Variants in DAAM1 observed in about 807,000 individuals in gnomAD.
The protein encoded by DAAM1 is disheveled-associated activator of morphogenesis 1.
A neutral mutation model predicts 130.0 loss-of-function variants in DAAM1; 52 were observed. That is an observed-to-expected ratio of 0.40 (90% CI 0.32 to 0.50). The LOEUF (loss-of-function observed/expected upper bound fraction) is 0.50. DAAM1 is among the 20% of genes least tolerant of loss of function. The pLI is 0.61. For missense variants in DAAM1, 1,134 were observed against 1,303.8 expected (o/e 0.87, Z 2.01); for synonymous variants, 452 against 444.5 (o/e 1.02, Z -0.21).
At chr14:59,268,978 T>C (rs17255500) in intron 2 of DAAM1, among the ~76,000 whole-genome samples, 9,952 of 152,278 alleles carry the variant, frequency 0.065, 427 homozygotes, top group Non-Finnish European at 0.098. Context: ...TTCAAGTAAC[T>C]TTTTTATGTT....
Position 59,193,786 on chromosome 14 carries a change from C to T in DAAM1, c.-38+5018C>T, listed in dbSNP as rs767000609. On this transcript the variant is annotated intron_variant, in intron 1 of 24. Coordinates refer to ENST00000360909, the MANE Select transcript of DAAM1 (RefSeq NM_001270520.2). The stretch of plus-strand genomic sequence containing the variant: ...CTGGAATGTGCTTCCCTCTGAGTGT[C>T]TGGATTATCTTGTGCTTTCATATCT... Among the ~76,000 whole-genome samples the T allele has an allele frequency of 8.4e-4, 128 of 152,298 alleles. 1 individual carries two copies. The highest frequency in any genetic ancestry group is 6.8e-3 in the Middle Eastern group (2 of 294).
At position 59,323,162 on chromosome 14, in the gene DAAM1, C is replaced by G; in HGVS notation, c.711C>G (p.His237Gln). 6.2e-7 allele frequency: 1 copy of G among 1,613,796 alleles called. No individual in the cohort carries two copies. Among genetic ancestry groups the G allele is most frequent in the South Asian group, 1.1e-5 (1 of 91,014 alleles). ...LGAVCLVPGG[H>Q]KKVLQAMLHY... ...CCGTGTGCCTGGTTCCCGGGGGCCA[C>G]AAGAAGGTTCTGCAGGCCATGCTGC... Residue 237 changes from histidine to glutamine, a missense_variant, in exon 6 of 25, where the codon CAC becomes CAG. Physicochemically the swap from His to Gln is conservative, Grantham distance 24. Coordinates refer to ENST00000360909, the MANE Select transcript of DAAM1 (RefSeq NM_001270520.2).
rs186497358 is a variant in DAAM1 at position 59,269,607 on chromosome 14, T to C, written c.183+5947T>C. On this transcript the variant is annotated intron_variant, in intron 2 of 24. Coordinates refer to ENST00000360909, the MANE Select transcript of DAAM1 (RefSeq NM_001270520.2). ...ATTTCTATTGGCTTGATTCCTTAGC[T>C]TAGGTCTCAGTGAATTCTAATCTTG... Among the ~76,000 whole-genome samples, 204 of 152,318 alleles carry C rather than the reference T, an allele frequency of 1.3e-3. 1 individual carries two copies. Among genetic ancestry groups the C allele is most frequent in the Non-Finnish European group, 2.5e-3 (170 of 68,020 alleles).
At chr14:59,239,187 A>T (rs1889401176) in intron 1 of DAAM1, among the ~76,000 whole-genome samples, 1 of 152,248 alleles carries the variant, frequency 6.6e-6, no homozygotes, top group Non-Finnish European at 1.5e-5. Context: ...TTATGAAGGT[A>T]ATATACTATT....
chr14:59,248,815 G>A (rs1487724957), intron 1 of DAAM1, among the ~76,000 whole-genome samples: 6 of 152,034 alleles, frequency 3.9e-5, no homozygotes, highest in Non-Finnish European at 7.4e-5. Context: ...ATGGAGTCTC[G>A]CTCTGTCGCC....
In DAAM1 at chr14:59,352,638, T is replaced by A; in HGVS notation, c.2267+6T>A. ...TTCCTTTTTGAGATGAGCCGGTGAG[T>A]TTGAAAATGCTGGGAATGTGAAGAT... On this transcript the variant is annotated splice_donor_region_variant and intron_variant, in intron 18 of 24. Transcript: ENST00000360909. 1 of 1,608,278 alleles carries A rather than the reference T, an allele frequency of 6.2e-7. No individual in the cohort carries two copies. The highest frequency in any genetic ancestry group is 8.5e-7 in the Non-Finnish European group (1 of 1,177,274).
intron 4 of DAAM1, among the ~76,000 whole-genome samples, chr14:59,318,877 A>G (rs1884892855): frequency 6.6e-6 from 1 of 152,192 alleles, no homozygotes; most frequent in African/African-American, 2.4e-5. Flanking sequence ...CACCCTCTCC[A>G]GGATTTTTAA....
In DAAM1 at chr14:59,235,209, G is replaced by A. The variant is rs111905687; in HGVS notation, c.-37-28232G>A. 2.2e-4 allele frequency among the ~76,000 whole-genome samples: 34 copies of A among 152,296 alleles called. 1 individual carries two copies. The highest frequency in any genetic ancestry group is 7.7e-4 in the African/African-American group (32 of 41,560). Reference sequence around the variant, plus strand: ...TTTTGAGTTGTTTGGAATAGTTTCAGAAGGAATGGCACCACCTCATCTTTG... The same window carrying A: ...TTTTGAGTTGTTTGGAATAGTTTCAAAAGGAATGGCACCACCTCATCTTTG... On this transcript the variant is annotated intron_variant, in intron 1 of 24. Transcript: ENST00000360909.
intron 1 of DAAM1, among the ~76,000 whole-genome samples, chr14:59,213,003 C>T (rs756146639): frequency 6.6e-6 from 1 of 152,050 alleles, no homozygotes; most frequent in Non-Finnish European, 1.5e-5. Context: ...GAATGAAGGA[C>T]CCCTTGTAAT....
chr14:59,328,222 T>C (rs995695912), intron 12 of DAAM1, among the ~76,000 whole-genome samples: 2 of 152,240 alleles, frequency 1.3e-5, no homozygotes, highest in African/African-American at 2.4e-5. Context: ...AATTGTGAAC[T>C]AACTACTGTT....
intron 2 of DAAM1, among the ~76,000 whole-genome samples, chr14:59,274,012 C>G (rs1304361064): frequency 5.9e-5 from 9 of 152,256 alleles, no homozygotes; most frequent in Middle Eastern, 6.8e-3. Context: ...CTTCAATTCC[C>G]AGAATTCCTC....
intron 1 of DAAM1, among the ~76,000 whole-genome samples, chr14:59,199,608 C>T (rs1039997662): frequency 1.3e-5 from 2 of 152,210 alleles, no homozygotes; most frequent in African/African-American, 4.8e-5. Flanking sequence ...CTCCTTGGCC[C>T]TTGAAGACAT....
chr14:59,339,990 G>T, intron 15 of DAAM1, 84 bp from the exon 16 acceptor site: 1 of 1,226,250 alleles, frequency 8.2e-7, no homozygotes, highest in South Asian at 1.3e-5. Context: ...ATGTGTATAT[G>T]AACAACAATG....
intron 1 of DAAM1, among the ~76,000 whole-genome samples, chr14:59,195,071 C>T (rs1208414190): frequency 6.6e-6 from 1 of 150,940 alleles, no homozygotes; most frequent in Non-Finnish European, 1.5e-5. Flanking sequence ...GCTACACAAT[C>T]ATAAAATTTT....
intron 1 of DAAM1, among the ~76,000 whole-genome samples, chr14:59,190,160 T>C (rs1887688617): frequency 6.6e-6 from 1 of 152,156 alleles, no homozygotes; most frequent in East Asian, 1.9e-4. Context: ...CCAGCTGCTC[T>C]CTCCTCCTCG....
chr14:59,210,535 C>G (rs1888396314), intron 1 of DAAM1, among the ~76,000 whole-genome samples: 5 of 152,128 alleles, frequency 3.3e-5, no homozygotes, highest in Non-Finnish European at 7.3e-5. Context: ...TACGATATCT[C>G]CAGGTACATT....
chr14:59,283,655 A>G (rs1339272045), intron 2 of DAAM1, among the ~76,000 whole-genome samples: 1 of 152,170 alleles, frequency 6.6e-6, no homozygotes, highest in East Asian at 1.9e-4. Context: ...AATCCTCACA[A>G]CAGCCTTGCA....
At chr14:59,320,735 T>C (rs528590628) in intron 5 of DAAM1, 151 bp downstream of exon 5, 5 of 542,452 alleles carry the variant, frequency 9.2e-6, no homozygotes, top group South Asian at 1.1e-4. Flanking sequence ...GTTATTTTCT[T>C]CTGTGAAAAG....
chr14:59,249,876 T>A (rs1881555853), intron 1 of DAAM1, among the ~76,000 whole-genome samples: 1 of 152,228 alleles, frequency 6.6e-6, no homozygotes, highest in Non-Finnish European at 1.5e-5. Flanking sequence ...CACTTTTTTT[T>A]ACAGTACCTG....
Sources: gnomAD v4.1 joint callset for allele counts (sites outside exome capture counted in the v4.1 genomes callset) on GRCh38, gnomAD v4.1.1 for gene constraint, MANE v1.5 for transcripts, NCBI Gene and HGNC (gene_info 2026-07-23, HGNC 2026-07-21) for gene names.